The following MYO1C variants were observed in gnomAD, a reference collection of about 807,000 sequenced individuals.
MYO1C encodes the protein myosin IC, also known as unconventional myosin-Ic.
In MYO1C, 104 loss-of-function variants were observed where a neutral mutation model predicts 150.8. That is an observed-to-expected ratio of 0.69 (90% CI 0.59 to 0.81). MYO1C has a LOEUF of 0.81. Among genes scored for constraint, MYO1C ranks in the 30% least tolerant of loss-of-function variants. MYO1C has a pLI of 0.00. For synonymous variants in MYO1C, 663 were observed against 579.9 expected (o/e 1.14, Z -2.06); for missense variants, 1,504 against 1,435.0 (o/e 1.05, Z -0.78).
At chr17:1,467,385 C>A in intron 30 of MYO1C, 44 bp from the exon 31 acceptor site, 2 of 1,597,748 alleles carry the variant, frequency 1.3e-6, no homozygotes, top group Non-Finnish European at 1.7e-6. Flanking sequence ...GGAGGCAGAC[C>A]CCCAACCCTA....
At chr17:1,486,308 C>T (rs1040806593) in intron 1 of MYO1C, 1 of 152,248 alleles carries the variant, frequency 6.6e-6, no homozygotes, top group African/African-American at 2.4e-5. Context: ...TGGTTTTCCT[C>T]GTCAGCACGG....
At chr17:1,483,123 G>C (rs897345592) in intron 3 of MYO1C, 64 bp from the exon 4 acceptor site, 1 of 1,471,628 alleles carries the variant, frequency 6.8e-7, no homozygotes, top group Non-Finnish European at 9.2e-7. Context: ...CGAGAGTCCC[G>C]CTCCCACATC....
intron 6 of MYO1C, 31 bp from the exon 7 acceptor site, chr17:1,480,656 C>T (rs1285261043): frequency 6.2e-7 from 1 of 1,613,840 alleles, no homozygotes; most frequent in Non-Finnish European, 8.5e-7. Flanking sequence ...GGTTGCCAGC[C>T]CTGGCACCAG....
In MYO1C at chr17:1,489,379, C is replaced by G. The variant is rs139736728; in HGVS notation, c.75+3034G>C. ...ACCTCTGCCTGGGGGGTCCAGCAAA[C>G]GTGAACAGAGGCAAGGTGCAGTGAG... On this transcript the variant is annotated intron_variant, in intron 1 of 31. Coordinates refer to ENST00000648651, the MANE Select transcript of MYO1C (RefSeq NM_001080779.2). 1.6e-3 allele frequency among the ~76,000 whole-genome samples: 244 copies of G among 152,308 alleles called. 1 individual carries two copies. Among genetic ancestry groups the G allele is most frequent in the African/African-American group, 5.7e-3 (236 of 41,556 alleles).
At chr17:1,489,927 C>T (rs2074709711) in intron 1 of MYO1C, among the ~76,000 whole-genome samples, 1 of 150,440 alleles carries the variant, frequency 6.6e-6, no homozygotes, top group Non-Finnish European at 1.5e-5. Context: ...GTAATCCCAG[C>T]TACTTGGGAG....
chr17:1,482,135 C>T (rs1219731484), intron 5 of MYO1C, among the ~76,000 whole-genome samples: 1 of 152,106 alleles, frequency 6.6e-6, no homozygotes, highest in East Asian at 1.9e-4. Context: ...TAACCTTGGA[C>T]TCCTGGCCTC....
In MYO1C at chr17:1,471,967, T is replaced by C; in HGVS notation, c.1961A>G (p.Asn654Ser). The C allele has an allele frequency of 1.2e-6, 2 of 1,613,906 alleles. No homozygotes were observed. Among genetic ancestry groups the C allele is most frequent in the Non-Finnish European group, 1.7e-6 (2 of 1,179,954 alleles). ...HQVKYLGLLENLRVRRAGFAY... is the reference protein window; with the variant it reads ...HQVKYLGLLESLRVRRAGFAY... ...AAAGCCGGCTCTGCGCACGCGCAGG[T>C]TTTCCAACAGCCCCAGGTACTTCAC... The change falls in exon 19 of 32, where the codon AAC becomes AGC. Residue 654 changes from asparagine to serine, a missense_variant. Asn to Ser is a conservative substitution (Grantham distance 46, BLOSUM62 1). Coordinates refer to ENST00000648651, the MANE Select transcript of MYO1C (RefSeq NM_001080779.2).
At chr17:1,490,837 C>CAGG (rs1206739249) in intron 1 of MYO1C, 3 of 126,672 alleles carry the variant, frequency 2.4e-5, no homozygotes, top group Non-Finnish European at 5.2e-5. Context: ...CCCCTCCCCC[C>CAGG]AGGAGGGGGC....
intron 1 of MYO1C, among the ~76,000 whole-genome samples, chr17:1,489,360 G>A (rs1181983573): frequency 6.6e-6 from 1 of 152,316 alleles, no homozygotes; most frequent in East Asian, 1.9e-4. Context: ...AGACACCTCT[G>A]CCTGGGGGGT....
intron 1 of MYO1C, chr17:1,485,424 G>A: frequency 2.2e-6 from 2 of 904,766 alleles, no homozygotes; most frequent in South Asian, 4.6e-5. Flanking sequence ...CGAAGCGGCT[G>A]CCAAATCCGG....
rs1174241732 is a variant in MYO1C at position 1,477,917 on chromosome 17, TCTC to T, written c.1453_1455del (p.Glu485del). The T allele has an allele frequency of 2.5e-6, 4 of 1,613,882 alleles. No homozygotes were observed. The highest frequency in any genetic ancestry group is 2.2e-5 in the East Asian group (1 of 44,868). On this transcript the variant is annotated inframe_deletion, in exon 13 of 32. Transcript: ENST00000648651. ...AAAATCGAGATGATGCCCTTAAACT[TCTC>T]CTCCACCAGATCACAGATGATTTTG...
Position 1,479,527 on chromosome 17 carries a change from G to A in MYO1C, c.1021-25C>T, listed in dbSNP as rs1423022315. On this transcript the variant is annotated intron_variant, in intron 8 of 31. Coordinates refer to ENST00000648651, the MANE Select transcript of MYO1C (RefSeq NM_001080779.2). The surrounding 1 kb of genome is among the most constrained non-coding windows in gnomAD (Gnocchi z 4.2). ...GCTGCCAAGGGCAGGCGAGGACACGGTGAGGGTGCACCCCCAGCCCCCGCC... is the reference window on the plus strand; with the variant it reads ...GCTGCCAAGGGCAGGCGAGGACACGATGAGGGTGCACCCCCAGCCCCCGCC... The A allele has an allele frequency of 6.6e-7, 1 of 1,509,360 alleles. No homozygotes were observed. Among genetic ancestry groups the A allele is most frequent in the Admixed American group, 1.9e-5 (1 of 52,862 alleles). The allele number at this position is 1,509,360 out of a possible 1,614,324, so 93.5% of individuals were successfully genotyped here.
In MYO1C at chr17:1,467,898, C is replaced by T. The variant is rs775017272; in HGVS notation, c.2909G>A (p.Ser970Asn). The change falls in exon 29 of 32, where the codon AGC becomes AAC. Residue 970 changes from serine to asparagine, a missense_variant. Transcript: ENST00000648651. ...DYANLTGISV[S>N]SLSDSLFVLH... ...CACAAAAAGACTGTCGCTCAGGCTGCTGACAGAGATTCCTGAGGGGAGAGG... is the reference window on the plus strand; with the variant it reads ...CACAAAAAGACTGTCGCTCAGGCTGTTGACAGAGATTCCTGAGGGGAGAGG... 2 of 1,611,888 alleles carry T rather than the reference C, an allele frequency of 1.2e-6. No individual in the cohort carries two copies. Among genetic ancestry groups the T allele is most frequent in the Non-Finnish European group, 1.7e-6 (2 of 1,179,628 alleles).
chr17:1,480,100 G>A (rs147376107), intron 7 of MYO1C, among the ~76,000 whole-genome samples: 2,340 of 131,258 alleles, frequency 0.018, 23 homozygotes, highest in Non-Finnish European at 0.026. Context: ...AACTGAGATC[G>A]CACCACTGCA....
intron 4 of MYO1C, 32 bp from the exon 5 acceptor site, chr17:1,482,590 G>A: frequency 6.3e-7 from 1 of 1,587,456 alleles, no homozygotes; most frequent in Non-Finnish European, 8.6e-7. Context: ...AGGGACACCT[G>A]GCACTCTCCC....
At chr17:1,471,817 G>T in intron 19 of MYO1C, 90 bp downstream of exon 19, 1 of 1,379,642 alleles carries the variant, frequency 7.2e-7, no homozygotes. Flanking sequence ...TTCTAAAATG[G>T]GGCCGAGAAC....
At chr17:1,484,829 A>G (rs2074617215) in intron 1 of MYO1C, among the ~76,000 whole-genome samples, 1 of 152,134 alleles carries the variant, frequency 6.6e-6, no homozygotes, top group South Asian at 2.1e-4. Context: ...TTTGGAGGAC[A>G]AATGGCTCAG....
In MYO1C at chr17:1,474,940, G is replaced by T. The variant is rs780582904; in HGVS notation, c.1667C>A (p.Thr556Asn). 1.3e-6 allele frequency: 2 copies of T among 1,599,196 alleles called. No individual in the cohort carries two copies. Among genetic ancestry groups the T allele is most frequent in the Admixed American group, 3.5e-5 (2 of 57,374 alleles). The change falls in exon 15 of 32, where the codon ACC becomes AAC. Residue 556 changes from threonine (T) to asparagine (N), a missense_variant and splice_region_variant. Thr to Asn is a moderately conservative substitution (Grantham distance 65). Transcript: ENST00000648651. ...GGACACAGCCCCAGGATCCTCACCG[G>T]TCACGCTGTAGGTCACCTCCCCCGC... ...HYAGEVTYSV[T>N]GFLDKNNDLL...
Position 1,470,329 on chromosome 17 carries a change from A to T in MYO1C, c.2372T>A (p.Ile791Asn), listed in dbSNP as rs777704594. Residue 791 changes from isoleucine (I) to asparagine (N), a missense_variant, in exon 24 of 32, where the codon ATC (isoleucine) becomes AAC (asparagine). Coordinates refer to ENST00000648651, the MANE Select transcript of MYO1C (RefSeq NM_001080779.2). ...GGCGTGGCGCAGGACGAAGCCTCGG[A>T]TGAGCCTGGGGTGGGGGGCCAGACA... ...KWAAQTIRRL[I>N]RGFVLRHAPR... 1.5e-6 allele frequency: 2 copies of T among 1,376,594 alleles called. No homozygotes were observed. The highest frequency in any genetic ancestry group is 1.2e-5 in the South Asian group (1 of 80,276). 85.3% of individuals were successfully genotyped at this position (1,376,594 alleles called of 1,614,324 possible).
Sources: gnomAD v4.1 joint callset for allele counts (sites outside exome capture counted in the v4.1 genomes callset) on GRCh38, gnomAD v4.1.1 for gene constraint, Gnocchi (gnomAD v3.1) non-coding constraint, MANE v1.5 for transcripts, NCBI Gene and HGNC (gene_info 2026-07-23, HGNC 2026-07-21) for gene names.